Variants in DNER observed in about 807,000 individuals in gnomAD.
DNER encodes the protein delta/notch like EGF repeat containing, also known as delta and Notch-like epidermal growth factor-related receptor.
A neutral mutation model predicts 78.2 loss-of-function variants in DNER; 33 were observed. The observed-to-expected ratio is 0.42, with a 90% CI of 0.32 to 0.56. The LOEUF (loss-of-function observed/expected upper bound fraction) is 0.56, where lower values mean the gene tolerates loss of function less well. Among genes scored for constraint, DNER ranks in the 20% least tolerant of loss-of-function variants. The pLI, the probability that DNER is intolerant of heterozygous loss-of-function variation, is 0.11. For missense variants in DNER, 918 were observed against 975.3 expected, an observed-to-expected ratio of 0.94 and a Z score of 0.78; for synonymous variants, 417 against 384.8, an observed-to-expected ratio of 1.08 and a Z score of -0.98.
intron 1 of DNER, among the ~76,000 whole-genome samples, chr2:229,657,879 A>G (rs1698937569): frequency 6.6e-6 from 1 of 152,158 alleles, no homozygotes; most frequent in African/African-American, 2.4e-5. Flanking sequence ...AACTTCCTAA[A>G]TTTCAGGGAT....
intron 1 of DNER, among the ~76,000 whole-genome samples, chr2:229,681,673 C>A (rs1699388885): frequency 6.6e-6 from 1 of 152,150 alleles, no homozygotes; most frequent in African/African-American, 2.4e-5. Context: ...CAACACCGCT[C>A]AAGGGGGCAC....
At chr2:229,610,205 A>G (rs1203796881) in intron 1 of DNER, among the ~76,000 whole-genome samples, 1 of 152,214 alleles carries the variant, frequency 6.6e-6, no homozygotes, top group African/African-American at 2.4e-5. Flanking sequence ...AGGAAGGATG[A>G]GTGTCCTTTA....
At chr2:229,413,452 A>G (rs189205654) in intron 9 of DNER, among the ~76,000 whole-genome samples, 32 of 147,856 alleles carry the variant, frequency 2.2e-4, no homozygotes, top group African/African-American at 7.1e-4. Flanking sequence ...CCCCCTGAGT[A>G]GCTGGGACTA....
intron 8 of DNER, among the ~76,000 whole-genome samples, chr2:229,437,195 T>G (rs575721229): frequency 7.2e-5 from 11 of 152,248 alleles, no homozygotes; most frequent in African/African-American, 2.4e-4. Context: ...AAGAAGCACG[T>G]GAGTGAGATG....
intron 8 of DNER, among the ~76,000 whole-genome samples, chr2:229,418,678 G>A (rs776744541): frequency 1.7e-4 from 26 of 152,048 alleles, no homozygotes; most frequent in Admixed American, 2.0e-4. Context: ...CCAGCACTTT[G>A]GGATACCGAG....
chr2:229,623,906 C>A (rs988294649), intron 1 of DNER, among the ~76,000 whole-genome samples: 1 of 152,168 alleles, frequency 6.6e-6, no homozygotes, highest in Non-Finnish European at 1.5e-5. Context: ...AAAGGAAAGT[C>A]CTAAACAGAT....
At chr2:229,533,043 G>A (rs1318598684) in intron 5 of DNER, among the ~76,000 whole-genome samples, 5 of 152,272 alleles carry the variant, frequency 3.3e-5, no homozygotes, top group Admixed American at 1.3e-4. Flanking sequence ...GCTGTTACAA[G>A]GAAGCCATTC....
At chr2:229,503,566 G>A (rs1695669316) in intron 6 of DNER, among the ~76,000 whole-genome samples, 2 of 152,204 alleles carry the variant, frequency 1.3e-5, no homozygotes, top group Admixed American at 1.3e-4. Flanking sequence ...ATACATGTTT[G>A]CCAAAGACCA....
intron 11 of DNER, among the ~76,000 whole-genome samples, chr2:229,373,738 G>T (rs544635689): frequency 1.3e-5 from 2 of 152,260 alleles, no homozygotes; most frequent in East Asian, 3.9e-4. Flanking sequence ...TACATATACA[G>T]CATGGAATAC....
At chr2:229,486,160 G>A (rs74681536) in intron 6 of DNER, among the ~76,000 whole-genome samples, 4,131 of 152,200 alleles carry the variant, frequency 0.027, 96 homozygotes, top group Middle Eastern at 0.058. Flanking sequence ...CCATCAAGAC[G>A]TTCAGTCTCA....
intron 4 of DNER, among the ~76,000 whole-genome samples, chr2:229,561,937 G>A (rs565450855): frequency 2.0e-5 from 3 of 152,148 alleles, no homozygotes; most frequent in Non-Finnish European, 4.4e-5. Context: ...CAAGGACCGA[G>A]CACGCGCCCT....
intron 4 of DNER, among the ~76,000 whole-genome samples, chr2:229,549,458 A>G (rs1401041268): frequency 6.6e-6 from 1 of 152,196 alleles, no homozygotes; most frequent in Non-Finnish European, 1.5e-5. Flanking sequence ...GGCACCTGCC[A>G]TCACACCTGG....
At chr2:229,401,217 A>T (rs1444981368) in intron 10 of DNER, among the ~76,000 whole-genome samples, 1 of 152,066 alleles carries the variant, frequency 6.6e-6, no homozygotes, top group African/African-American at 2.4e-5. Context: ...TCACTCAGAC[A>T]TCGTTGGTGG....
At chr2:229,414,377 G>A (rs6711664) in intron 9 of DNER, among the ~76,000 whole-genome samples, 41,626 of 151,872 alleles carry the variant, frequency 0.27, 5,934 homozygotes, top group South Asian at 0.36. Flanking sequence ...AGCAGTTCCC[G>A]TGCCTCAGCC....
At chr2:229,564,096 TCATCAA>T (rs1697042405) in intron 4 of DNER, among the ~76,000 whole-genome samples, 1 of 139,338 alleles carries the variant, frequency 7.2e-6, no homozygotes, top group African/African-American at 2.7e-5. Flanking sequence ...ATCACCATCA[TCATCAA>T]CATCATCACC....
At position 229,633,365 on chromosome 2, in the gene DNER, A is replaced by C. The variant is rs865846860; in HGVS notation, c.277-41477T>G. ...ACTTACAACTTTGTTAAATATTTTG[A>C]ATATCTCTAGGGAATAAACAAAAAT... On this transcript the variant is annotated intron_variant, in intron 1 of 12. Transcript: ENST00000341772. 2.0e-5 allele frequency among the ~76,000 whole-genome samples: 3 copies of C among 152,364 alleles called. No homozygotes were observed. The South Asian group carries it at 6.2e-4, about 32-fold the overall frequency.
chr2:229,483,853 T>C lies in DNER; in HGVS notation c.1148-6600A>G, dbSNP rs544384041. 2.3e-4 allele frequency among the ~76,000 whole-genome samples: 35 copies of C among 152,292 alleles called. No individual in the cohort carries two copies. The South Asian group carries it at 6.8e-3, about 30-fold the overall frequency. ...CTAAAACTTCGCTCTTATTTCTACT[T>C]GAAACACACACACATACTTGTTACC... On this transcript the variant is annotated intron_variant, in intron 6 of 12. Coordinates refer to ENST00000341772, the MANE Select transcript of DNER (RefSeq NM_139072.4).
At chr2:229,473,572 T>C (rs1694972648) in intron 7 of DNER, among the ~76,000 whole-genome samples, 1 of 152,202 alleles carries the variant, frequency 6.6e-6, no homozygotes, top group Non-Finnish European at 1.5e-5. Context: ...TTAGTAGACA[T>C]AGTGAGTGAT....
chr2:229,678,007 G>A (rs1296163564), intron 1 of DNER, among the ~76,000 whole-genome samples: 8 of 152,148 alleles, frequency 5.3e-5, no homozygotes, highest in Non-Finnish European at 1.2e-4. Flanking sequence ...TCCTAACAAA[G>A]CATAAATTGC....
Sources: gnomAD v4.1 joint callset for allele counts (sites outside exome capture counted in the v4.1 genomes callset) on GRCh38, gnomAD v4.1.1 for gene constraint, MANE v1.5 for transcripts, NCBI Gene and HGNC (gene_info 2026-07-23, HGNC 2026-07-21) for gene names.